Variants in METTL9 observed in about 807,000 individuals in gnomAD.
METTL9 encodes the protein methyltransferase 9, His-X-His N1(pi)-histidine.
Under a neutral mutation model 36.0 loss-of-function variants are expected in METTL9, and 10 were observed. The ratio of observed to expected loss-of-function variants is 0.28; its 90% CI spans 0.17 to 0.47. The LOEUF (loss-of-function observed/expected upper bound fraction) is 0.47, where lower values mean the gene tolerates loss of function less well. Among genes scored for constraint, METTL9 ranks in the 20% least tolerant of loss-of-function variants. The pLI is 0.99. For synonymous variants in METTL9, 175 were observed against 149.7 expected (o/e 1.17, Z -1.23); for missense variants, 246 against 383.5 (o/e 0.64, Z 3.00).
At chr16:21,645,580 AGT>A (rs1432937675) in intron 4 of METTL9, among the ~76,000 whole-genome samples, 1 of 152,232 alleles carries the variant, frequency 6.6e-6, no homozygotes. Context: ...AAAAAGCTTC[AGT>A]GTGAAAATAG....
intron 2 of METTL9, among the ~76,000 whole-genome samples, chr16:21,614,291 G>A (rs1197130674): frequency 6.6e-6 from 1 of 152,058 alleles, no homozygotes; most frequent in Admixed American, 6.5e-5. Context: ...CCTTTCTGGG[G>A]TCCTGTAGCT....
At chr16:21,627,636 T>C (rs1965845072) in intron 4 of METTL9, 1 of 153,410 alleles carries the variant, frequency 6.5e-6, no homozygotes, top group Admixed American at 6.5e-5. Context: ...TTCAAGCAAC[T>C]TACTAGAGGG....
intron 4 of METTL9, chr16:21,641,632 A>G: frequency 7.4e-7 from 1 of 1,349,938 alleles, no homozygotes; most frequent in Non-Finnish European, 1.0e-6. Flanking sequence ...GTTTAAGGTT[A>G]TGTAACCAAT....
intron 4 of METTL9, among the ~76,000 whole-genome samples, chr16:21,637,361 G>T (rs1966127265): frequency 6.6e-6 from 1 of 152,076 alleles, no homozygotes; most frequent in African/African-American, 2.4e-5. Context: ...CTGCTACCCG[G>T]CTAGCTAGAC....
intron 4 of METTL9, among the ~76,000 whole-genome samples, chr16:21,626,442 T>TC (rs1293916287): frequency 2.0e-5 from 3 of 152,222 alleles, no homozygotes; most frequent in Non-Finnish European, 4.4e-5. Context: ...CCCCAGATCT[T>TC]AGTGCCTTCA....
intron 3 of METTL9, among the ~76,000 whole-genome samples, chr16:21,621,826 C>T (rs567716562): frequency 6.6e-6 from 1 of 151,872 alleles, no homozygotes; most frequent in African/African-American, 2.4e-5. Flanking sequence ...ATACAGATTG[C>T]TTATTTCCTA....
intron 1 of METTL9, among the ~76,000 whole-genome samples, chr16:21,606,298 C>G (rs141469265): frequency 2.0e-5 from 3 of 152,272 alleles, no homozygotes; most frequent in African/African-American, 7.2e-5. Context: ...GATTGCGCCA[C>G]TGCACTCCAG....
At chr16:21,620,315 T>C (rs1304625883) in intron 3 of METTL9, among the ~76,000 whole-genome samples, 2 of 152,188 alleles carry the variant, frequency 1.3e-5, no homozygotes, top group East Asian at 1.9e-4. Flanking sequence ...GTCTGCATGG[T>C]GATAATTGAC....
chr16:21,609,374 A>G (rs892093676), intron 1 of METTL9, among the ~76,000 whole-genome samples: 2 of 152,274 alleles, frequency 1.3e-5, no homozygotes, highest in East Asian at 1.9e-4. Context: ...TGAAGCTCTC[A>G]GTCTACCTGG....
At chr16:21,618,990 G>A (rs962138549) in intron 3 of METTL9, among the ~76,000 whole-genome samples, 3 of 151,976 alleles carry the variant, frequency 2.0e-5, no homozygotes, top group Non-Finnish European at 4.4e-5. Context: ...GAGCCACTGC[G>A]CCTGGCCCAA....
chr16:21,654,023 C>T (rs1966644676), intron 4 of METTL9: 1 of 148,536 alleles, frequency 6.7e-6, no homozygotes, highest in African/African-American at 2.5e-5. Flanking sequence ...GAAAGTTATT[C>T]TCAGTCTGTT....
At chr16:21,654,798 CT>C (rs1255926675) in intron 4 of METTL9, 1 of 159,718 alleles carries the variant, frequency 6.3e-6, no homozygotes, top group Non-Finnish European at 1.4e-5. Context: ...GTGGTATTTT[CT>C]TGCATTTGTC....
intron 2 of METTL9, among the ~76,000 whole-genome samples, chr16:21,615,221 C>T (rs1023762434): frequency 3.9e-5 from 6 of 152,088 alleles, no homozygotes; most frequent in East Asian, 1.9e-4. Flanking sequence ...CCCTCTTTCT[C>T]TAGTGCCTTC....
At chr16:21,622,981 A>G (rs1037943715) in intron 3 of METTL9, among the ~76,000 whole-genome samples, 2 of 152,200 alleles carry the variant, frequency 1.3e-5, no homozygotes, top group Admixed American at 6.5e-5. Flanking sequence ...TAAGGCGTTA[A>G]TATATACAAA....
intron 4 of METTL9, chr16:21,646,660 C>A: frequency 4.3e-6 from 1 of 232,968 alleles, no homozygotes; most frequent in Non-Finnish European, 8.7e-6. Context: ...TGGAGTAGTT[C>A]TTTTGTTTTT....
upstream of METTL9, chr16:21,599,534 C>A: frequency 7.9e-7 from 1 of 1,269,502 alleles, no homozygotes; most frequent in Non-Finnish European, 9.9e-7. This position sits in a 1 kb window ranked among gnomAD's most constrained non-coding sequence, Gnocchi z 4.4. Flanking sequence ...GTTCCGCGGC[C>A]GGAAGGGAAG....
At chr16:21,617,835 A>G (rs3214005) in intron 2 of METTL9, 30 bp from the exon 3 acceptor site, 8 of 1,590,574 alleles carry the variant, frequency 5.0e-6, no homozygotes, top group East Asian at 4.5e-5. Flanking sequence ...TTGCATAGAC[A>G]CTTCCATTTT....
chr16:21,597,739 G>T (rs140706455), upstream of METTL9, among the ~76,000 whole-genome samples: 1 of 152,290 alleles, frequency 6.6e-6, no homozygotes, highest in East Asian at 1.9e-4. Context: ...TGACAGAGTT[G>T]CTTTGTCTGT....
chr16:21,611,064 T>C (rs1416745919), intron 1 of METTL9, among the ~76,000 whole-genome samples: 8 of 152,040 alleles, frequency 5.3e-5, no homozygotes. Flanking sequence ...ATGTAGGCAG[T>C]GAATGTAAAA....
Sources: gnomAD v4.1 joint callset for allele counts (sites outside exome capture counted in the v4.1 genomes callset) on GRCh38, gnomAD v4.1.1 for gene constraint, Gnocchi (gnomAD v3.1) non-coding constraint, MANE v1.5 for transcripts, NCBI Gene and HGNC (gene_info 2026-07-23, HGNC 2026-07-21) for gene names.